Variants in SVIP observed in about 807,000 individuals in gnomAD.
SVIP encodes the protein small VCP/p97-interacting protein.
Under a neutral mutation model 12.9 loss-of-function variants are expected in SVIP, and 14 were observed. That is an observed-to-expected ratio of 1.08 (90% CI 0.72 to 1.70). SVIP has a LOEUF of 1.70. Among genes scored for constraint, SVIP ranks in the 40% most tolerant of loss-of-function variants. The pLI is 0.00. For missense variants in SVIP, 93 were observed against 90.8 expected, an observed-to-expected ratio of 1.02 and a Z score of -0.10; for synonymous variants, 35 against 33.3, an observed-to-expected ratio of 1.05 and a Z score of -0.17.
intron 3 of SVIP, 58 bp from the exon 4 acceptor site, chr11:22,823,191 A>G (rs541539284): frequency 1.6e-6 from 2 of 1,264,688 alleles, no homozygotes; most frequent in South Asian, 2.7e-5. Flanking sequence ...ATATAACAGT[A>G]CTTCAGTGAA....
intron 1 of SVIP, among the ~76,000 whole-genome samples, chr11:22,828,118 T>C (rs1366694173): frequency 6.6e-6 from 1 of 152,150 alleles, no homozygotes; most frequent in Non-Finnish European, 1.5e-5. Flanking sequence ...ACTCTCTTTT[T>C]TAATAAAAAG....
rs185023318 is a variant in SVIP, at chr11:22,821,309, A to G, written c.*1810T>C. On this transcript the variant is annotated 3_prime_UTR_variant, in exon 4 of 4. Transcript: ENST00000354193. Reference sequence around the variant, plus strand: ...TCCTGCGACCCATGTGGTTTTGGAGAAAGCTGATCACACTCACGGTGACAG... The same window carrying G: ...TCCTGCGACCCATGTGGTTTTGGAGGAAGCTGATCACACTCACGGTGACAG... 2 of 151,952 alleles carry G rather than the reference A, an allele frequency of 1.3e-5. No individual in the cohort carries two copies. Among genetic ancestry groups the G allele is most frequent in the East Asian group, 1.9e-4 (1 of 5,170 alleles). The allele number at this position is 151,952 out of a possible 1,614,324, so 9.4% of individuals were successfully genotyped here.
At chr11:22,824,134 C>G (rs1462792007) in intron 3 of SVIP, among the ~76,000 whole-genome samples, 1 of 151,984 alleles carries the variant, frequency 6.6e-6, no homozygotes, top group Non-Finnish European at 1.5e-5. Context: ...TAGCAAGAGC[C>G]TAAATATCCA....
In SVIP at chr11:22,820,726, C is replaced by T. The variant is rs186668953; in HGVS notation, c.*2393G>A. ...ATACCAGCAGTGGAACAAACAGAAA[C>T]ACAGAGATGTTTTAAAAAACATGCA... is the stretch of plus-strand genomic sequence containing the variant. On this transcript the variant is annotated 3_prime_UTR_variant, in exon 4 of 4. Coordinates refer to ENST00000354193, the MANE Select transcript of SVIP (RefSeq NM_148893.3). The T allele has an allele frequency of 9.2e-5, 14 of 152,200 alleles. No homozygotes were observed. In the East Asian group the frequency reaches 1.7e-3, roughly 19 times the overall value. 9.4% of individuals were successfully genotyped at this position (152,200 alleles called of 1,614,324 possible).
chr11:22,819,766 C>G lies in SVIP; in HGVS notation c.*3353G>C, dbSNP rs181079859. 1.0e-4 allele frequency: 16 copies of G among 152,804 alleles called. No homozygotes were observed. Among genetic ancestry groups the G allele is most frequent in the African/African-American group, 3.1e-4 (13 of 41,540 alleles). 9.5% of individuals were successfully genotyped at this position (152,804 alleles called of 1,614,324 possible). ...CAACCTGGGCAACAAGAGTGAAACT[C>G]CATCTCAAAAAACAAAACAAAACCA... On this transcript the variant is annotated 3_prime_UTR_variant, in exon 4 of 4. Transcript: ENST00000354193.
chr11:22,829,641 G>A, intron 1 of SVIP, 54 bp downstream of exon 1: 3 of 1,524,334 alleles, frequency 2.0e-6, no homozygotes, highest in East Asian at 2.5e-5. Flanking sequence ...CCCGCAACCC[G>A]AGGACAGGTG....
rs867266978 is a variant in SVIP at position 22,829,571 on chromosome 11, C to G, written c.54+124G>C. On this transcript the variant is annotated intron_variant, in intron 1 of 3. Coordinates refer to ENST00000354193, the MANE Select transcript of SVIP (RefSeq NM_148893.3). ...CTCCTGACGCGTCCACCCGTCCTCG[C>G]TAGCAGGGTCCCCCAGCGGGCTCTC... 296 of 1,021,732 alleles carry G rather than the reference C, an allele frequency of 2.9e-4. 1 individual carries two copies. The African/African-American group carries it at 3.9e-3, about 13-fold the overall frequency. The allele number at this position is 1,021,732 out of a possible 1,614,324, so 63.3% of individuals were successfully genotyped here.
At chr11:22,829,491 G>A (rs1274429378) in intron 1 of SVIP, 5 of 422,624 alleles carry the variant, frequency 1.2e-5, no homozygotes, top group African/African-American at 2.9e-5. Context: ...TGTTACAAAA[G>A]TGGAGATCTA....
Position 22,823,040 on chromosome 11 carries a change from G to A in SVIP, c.*79C>T. 8.1e-7 allele frequency: 1 copy of A among 1,239,070 alleles called. No individual in the cohort carries two copies. Among genetic ancestry groups the A allele is most frequent in the Non-Finnish European group, 1.1e-6 (1 of 889,806 alleles). The allele number at this position is 1,239,070 out of a possible 1,614,324, so 76.8% of individuals were successfully genotyped here. A position where few individuals can be genotyped will look rare whatever the true frequency, so the allele number is the denominator to read the frequency against. ...TGAATCTTCATTTACTCAAAGAGAA[G>A]AAATTAAATTGATGAAGCCCACTTG... On this transcript the variant is annotated 3_prime_UTR_variant, in exon 4 of 4. Coordinates refer to ENST00000354193, the MANE Select transcript of SVIP (RefSeq NM_148893.3).
intron 1 of SVIP, 76 bp downstream of exon 1, chr11:22,829,619 G>A: frequency 1.4e-6 from 2 of 1,458,670 alleles, no homozygotes; most frequent in African/African-American, 2.8e-5. Flanking sequence ...CAGGTACAAT[G>A]GCTCGGCCCG....
At chr11:22,829,613 T>G in intron 1 of SVIP, 82 bp downstream of exon 1, 1 of 1,430,110 alleles carries the variant, frequency 7.0e-7, no homozygotes, top group Non-Finnish European at 9.6e-7. Flanking sequence ...CGCCACCAGG[T>G]ACAATGGCTC....
intron 1 of SVIP, 86 bp downstream of exon 1, chr11:22,829,609 C>T (rs1378843137): frequency 2.7e-5 from 38 of 1,393,494 alleles, no homozygotes; most frequent in Non-Finnish European, 3.5e-5. Context: ...CCTGCGCCAC[C>T]AGGTACAATG....
chr11:22,829,798 C>G lies in SVIP; in HGVS notation c.-50G>C, dbSNP rs1482100091. 2 of 1,532,312 alleles carry G rather than the reference C, an allele frequency of 1.3e-6. No individual in the cohort carries two copies. The highest frequency in any genetic ancestry group is 2.4e-5 in the South Asian group (2 of 84,190). 94.9% of individuals were successfully genotyped at this position (1,532,312 alleles called of 1,614,324 possible). ...ACCGGGTCCGGCCCAGGCCAGGCGGCGCTAACTGCGCGGTCCGGAGCCGGT... is the reference window on the plus strand; with the variant it reads ...ACCGGGTCCGGCCCAGGCCAGGCGGGGCTAACTGCGCGGTCCGGAGCCGGT... On this transcript the variant is annotated 5_prime_UTR_variant, in exon 1 of 4. Transcript: ENST00000354193.
rs1857510983 is a variant in SVIP, at chr11:22,822,203, C to T, written c.*916G>A. 6.6e-6 allele frequency: 1 copy of T among 151,918 alleles called. No homozygotes were observed. Among genetic ancestry groups the T allele is most frequent in the African/African-American group, 2.4e-5 (1 of 41,348 alleles). 9.4% of individuals were successfully genotyped at this position (151,918 alleles called of 1,614,324 possible). On this transcript the variant is annotated 3_prime_UTR_variant, in exon 4 of 4. Transcript: ENST00000354193. ...TAATATTTTTATATCTGAAGTAGAC[C>T]TTTTGTAAGTACAGTACCTACATGT...
At position 22,822,977 on chromosome 11, in the gene SVIP, T is replaced by A. The variant is rs911307406; in HGVS notation, c.*142A>T. ...CTCTAAGCTTGAAAATCAACGTTTT[T>A]TTAGCATTGCACTTAAGGGCAATAA... is the stretch of plus-strand genomic sequence containing the variant. On this transcript the variant is annotated 3_prime_UTR_variant, in exon 4 of 4. Coordinates refer to ENST00000354193, the MANE Select transcript of SVIP (RefSeq NM_148893.3). 1.6e-6 allele frequency: 1 copy of A among 639,612 alleles called. No individual in the cohort carries two copies. Among genetic ancestry groups the A allele is most frequent in the African/African-American group, 1.9e-5 (1 of 52,956 alleles). 39.6% of individuals were successfully genotyped at this position (639,612 alleles called of 1,614,324 possible). A position where few individuals can be genotyped will look rare whatever the true frequency, so the allele number is the denominator to read the frequency against.
At position 22,821,719 on chromosome 11, in the gene SVIP, T is replaced by C. The variant is rs555534517; in HGVS notation, c.*1400A>G. ...CCTTTATGAACAAAAACAGCACGAA[T>C]CCTCTAAAGAAGAAAATTGAGCCAA... is the stretch of plus-strand genomic sequence containing the variant. On this transcript the variant is annotated 3_prime_UTR_variant, in exon 4 of 4. Coordinates refer to ENST00000354193, the MANE Select transcript of SVIP (RefSeq NM_148893.3). 1 of 152,270 alleles carries C rather than the reference T, an allele frequency of 6.6e-6. No individual in the cohort carries two copies. The highest frequency in any genetic ancestry group is 1.9e-4 in the East Asian group (1 of 5,190). The allele number at this position is 152,270 out of a possible 1,614,324, so 9.4% of individuals were successfully genotyped here.
Position 22,822,936 on chromosome 11 carries a change from GA to G in SVIP, c.*182del. 1 of 524,216 alleles carries G rather than the reference GA, an allele frequency of 1.9e-6. No individual in the cohort carries two copies. Among genetic ancestry groups the G allele is most frequent in the Non-Finnish European group, 3.3e-6 (1 of 301,418 alleles). 32.5% of individuals were successfully genotyped at this position (524,216 alleles called of 1,614,324 possible). A position where few individuals can be genotyped will look rare whatever the true frequency, so the allele number is the denominator to read the frequency against. On this transcript the variant is annotated 3_prime_UTR_variant, in exon 4 of 4. Transcript: ENST00000354193. The stretch of plus-strand genomic sequence containing the variant: ...AAATGTAGGAAAATCAGTATTTAAT[GA>G]AAAGTCTAGCCATTCTCTAAGCTTG...
intron 3 of SVIP, among the ~76,000 whole-genome samples, chr11:22,824,498 G>GTA (rs34755709): frequency 0.25 from 35,164 of 138,592 alleles, 5,202 homozygotes; most frequent in East Asian, 0.46. Context: ...ATATATATAC[G>GTA]TATATATATA....
intron 1 of SVIP, 116 bp downstream of exon 1, chr11:22,829,579 G>T: frequency 1.8e-6 from 2 of 1,083,532 alleles, no homozygotes; most frequent in South Asian, 1.5e-5. Context: ...CGCTAGCAGG[G>T]TCCCCCAGCG....
Sources: allele counts gnomAD v4.1 joint callset (sites outside exome capture counted in the v4.1 genomes callset), GRCh38; gene constraint gnomAD v4.1.1; transcripts MANE v1.5; gene names NCBI Gene and HGNC (gene_info 2026-07-23, HGNC 2026-07-21).